SRGAP3: variants seen among roughly 807,000 people sequenced by gnomAD.
The protein encoded by SRGAP3 is SLIT-ROBO Rho GTPase-activating protein 3.
Under a neutral mutation model 121.1 loss-of-function variants are expected in SRGAP3, and 39 were observed. The observed-to-expected ratio is 0.32, with a 90% CI of 0.25 to 0.42. The LOEUF is 0.42. Among genes scored for constraint, SRGAP3 ranks in the 10% least tolerant of loss-of-function variants. The probability of loss-of-function intolerance (pLI) is 1.00; values close to 1 mark genes in which losing one functional copy is unlikely to be tolerated. For missense variants in SRGAP3, 1,213 were observed against 1,470.6 expected (o/e 0.82, Z 2.86); for synonymous variants, 601 against 570.0 (o/e 1.05, Z -0.77).
At chr3:9,247,664 C>T (rs1953871750) in intron 1 of SRGAP3, among the ~76,000 whole-genome samples, 1 of 152,140 alleles carries the variant, frequency 6.6e-6, no homozygotes. Flanking sequence ...TTGCTTGAGC[C>T]CCAAATACCC....
intron 1 of SRGAP3, chr3:9,219,285 C>CCAACAA (rs2125195024): frequency 6.6e-6 from 1 of 152,276 alleles, no homozygotes; most frequent in African/African-American, 2.4e-5. Context: ...AGTCTCATTT[C>CCAACAA]TGAGGTGGTC....
intron 10 of SRGAP3, among the ~76,000 whole-genome samples, chr3:9,041,538 G>A (rs1183511253): frequency 2.6e-5 from 4 of 152,198 alleles, no homozygotes; most frequent in African/African-American, 9.7e-5. Context: ...CTCACTGCGT[G>A]AGCTTGGACA....
intron 3 of SRGAP3, chr3:9,081,291 C>A (rs1268305417): frequency 2.2e-6 from 1 of 456,708 alleles, no homozygotes; most frequent in South Asian, 1.5e-5. Flanking sequence ...CAAGTCCACA[C>A]TCTCAAGATG....
chr3:9,328,134 T>C (rs1189316090), intron 2 of SRGAP3, among the ~76,000 whole-genome samples: 1 of 152,244 alleles, frequency 6.6e-6, no homozygotes, highest in Non-Finnish European at 1.5e-5. Flanking sequence ...TTAAAGCTGT[T>C]TTTATTTCCC....
intron 1 of SRGAP3, among the ~76,000 whole-genome samples, chr3:9,248,191 A>G (rs1953893853): frequency 6.6e-6 from 1 of 152,246 alleles, no homozygotes; most frequent in Non-Finnish European, 1.5e-5. Flanking sequence ...GCTTTGAATG[A>G]AAGCTGATGA....
chr3:9,148,230 G>T (rs1950091300), intron 1 of SRGAP3, among the ~76,000 whole-genome samples: 1 of 152,176 alleles, frequency 6.6e-6, no homozygotes, highest in South Asian at 2.1e-4. Context: ...AGAAACGCCG[G>T]CTTTTATTTC....
Position 9,344,970 on chromosome 3 carries a change from G to A in SRGAP3, n.215-14374C>T, listed in dbSNP as rs368272131. On this transcript the variant is annotated intron_variant and non_coding_transcript_variant, in intron 1 of 3. Transcript: ENST00000490889. Reference sequence around the variant, plus strand: ...GAGAATCACTTGAACCTGGGAGACAGAGGTTGCAGTGAGCTGAGATTGCAC... The same window carrying A: ...GAGAATCACTTGAACCTGGGAGACAAAGGTTGCAGTGAGCTGAGATTGCAC... Among the ~76,000 whole-genome samples the A allele has an allele frequency of 4.6e-5, 7 of 152,130 alleles. No homozygotes were observed. The East Asian group carries it at 1.2e-3, about 25-fold the overall frequency.
intron 21 of SRGAP3, among the ~76,000 whole-genome samples, chr3:8,988,327 T>G (rs1406294868): frequency 1.3e-5 from 2 of 152,224 alleles, no homozygotes; most frequent in Non-Finnish European, 2.9e-5. Context: ...CTCGGCCTAC[T>G]ACCTGGGGTT....
Position 8,985,177 on chromosome 3 carries a change from T to G in SRGAP3, c.*342A>C, listed in dbSNP as rs1009837639. ...GCACACATCGATATACACACACATA[T>G]ACGTATGTAGAGAGAATGTCGAGAG... On this transcript the variant is annotated 3_prime_UTR_variant, in exon 22 of 22. Coordinates refer to ENST00000383836, the MANE Select transcript of SRGAP3 (RefSeq NM_014850.4). The surrounding 1 kb of genome is among the most constrained non-coding windows in gnomAD (Gnocchi z 5.1). The G allele has an allele frequency of 6.8e-5, 29 of 424,698 alleles. No individual in the cohort carries two copies. The South Asian group carries it at 7.9e-4, about 12-fold the overall frequency. 26.3% of individuals were successfully genotyped at this position (424,698 alleles called of 1,614,324 possible).
intron 3 of SRGAP3, among the ~76,000 whole-genome samples, chr3:9,261,631 A>G (rs1483347687): frequency 6.6e-6 from 1 of 151,080 alleles, no homozygotes; most frequent in Non-Finnish European, 1.5e-5. Context: ...TGAAATAAGC[A>G]TGAAGACAAG....
chr3:9,254,875 AAGAG>A (rs1336101536), intron 3 of SRGAP3, among the ~76,000 whole-genome samples: 1 of 148,746 alleles, frequency 6.7e-6, no homozygotes, highest in Non-Finnish European at 1.5e-5. Flanking sequence ...GAGAGAGAGA[AAGAG>A]AGAGAGAAAG....
chr3:9,071,491 T>C (rs1946711402), intron 4 of SRGAP3, among the ~76,000 whole-genome samples: 1 of 152,162 alleles, frequency 6.6e-6, no homozygotes, highest in Non-Finnish European at 1.5e-5. Context: ...GAGTGTTTTC[T>C]TTCCACTGGA....
rs1941681509 is a variant in SRGAP3, at chr3:8,985,997, C to G, written c.2887-65G>C. ...CCTGGAGTCAGGTCCTTCCTGTCTG[C>G]TAAGCAGCTTCCCTTCGTAGGCAGG... On this transcript the variant is annotated intron_variant, in intron 21 of 21. Coordinates refer to ENST00000383836, the MANE Select transcript of SRGAP3 (RefSeq NM_014850.4). This position sits in a 1 kb window ranked among gnomAD's most constrained non-coding sequence, Gnocchi z 5.1. 6.9e-6 allele frequency: 11 copies of G among 1,597,852 alleles called. No individual in the cohort carries two copies. Among genetic ancestry groups the G allele is most frequent in the Admixed American group, 1.7e-5 (1 of 59,814 alleles).
chr3:9,307,310 C>G (rs1028121508), intron 3 of SRGAP3, among the ~76,000 whole-genome samples: 4 of 152,192 alleles, frequency 2.6e-5, no homozygotes, highest in African/African-American at 9.7e-5. Flanking sequence ...CCCACTCCAG[C>G]ACCGCCAGGG....
intron 2 of SRGAP3, among the ~76,000 whole-genome samples, chr3:9,118,700 C>T (rs79211323): frequency 3.9e-5 from 6 of 152,046 alleles, no homozygotes; most frequent in Admixed American, 2.0e-4. Context: ...GGCCCCCCCC[C>T]CAAGAAGTTC....
chr3:9,137,800 T>C (rs563601205), intron 1 of SRGAP3, among the ~76,000 whole-genome samples: 1 of 152,280 alleles, frequency 6.6e-6, no homozygotes, highest in African/African-American at 2.4e-5. Flanking sequence ...ATAATAGCCA[T>C]TCCTTCCCAT....
At chr3:9,045,338 C>A (rs1016053836) in intron 10 of SRGAP3, among the ~76,000 whole-genome samples, 1 of 152,166 alleles carries the variant, frequency 6.6e-6, no homozygotes, top group Non-Finnish European at 1.5e-5. Flanking sequence ...TTCTTAGCTG[C>A]CCCTCTACTT....
At chr3:9,101,510 A>T (rs566106589) in intron 3 of SRGAP3, among the ~76,000 whole-genome samples, 2 of 152,348 alleles carry the variant, frequency 1.3e-5, no homozygotes, top group East Asian at 3.9e-4. Context: ...GACTTGAAGC[A>T]GAGAGGATGT....
At chr3:8,995,897 C>G (rs888143655) in intron 18 of SRGAP3, among the ~76,000 whole-genome samples, 3 of 152,036 alleles carry the variant, frequency 2.0e-5, no homozygotes, top group East Asian at 3.9e-4. Context: ...CAAAAGCAAC[C>G]CCTGCCCTCT....
Sources: gnomAD v4.1 joint callset for allele counts (sites outside exome capture counted in the v4.1 genomes callset) on GRCh38, gnomAD v4.1.1 for gene constraint, Gnocchi (gnomAD v3.1) non-coding constraint, MANE v1.5 for transcripts, NCBI Gene and HGNC (gene_info 2026-07-23, HGNC 2026-07-21) for gene names.